Variants in STON2 observed in about 807,000 individuals in gnomAD.
STON2 encodes stonin-2.
A neutral mutation model predicts 65.7 loss-of-function variants in STON2; 29 were observed. The ratio of observed to expected loss-of-function variants is 0.44; its 90% CI spans 0.33 to 0.60. The LOEUF (loss-of-function observed/expected upper bound fraction) is 0.60. STON2 is among the 20% of genes least tolerant of loss of function. The pLI, the probability that STON2 is intolerant of heterozygous loss-of-function variation, is 0.03. For missense variants in STON2, 1,054 were observed against 1,118.1 expected, an observed-to-expected ratio of 0.94 and a Z score of 0.82; for synonymous variants, 404 against 414.2, an observed-to-expected ratio of 0.98 and a Z score of 0.30.
At chr14:81,317,988 C>T (rs375548751) in intron 5 of STON2, among the ~76,000 whole-genome samples, 6 of 150,208 alleles carry the variant, frequency 4.0e-5, no homozygotes, top group East Asian at 3.9e-4. Context: ...GTTTTTTAGG[C>T]GGAGTCTCAC....
intron 4 of STON2, chr14:81,332,827 G>C (rs1897256640): frequency 6.1e-6 from 1 of 164,268 alleles, no homozygotes; most frequent in South Asian, 2.0e-4. Flanking sequence ...TATTTTAAGA[G>C]CTTTTTTTTC....
At chr14:81,379,293 A>C (rs1899401043) in intron 3 of STON2, among the ~76,000 whole-genome samples, 1 of 148,280 alleles carries the variant, frequency 6.7e-6, no homozygotes. Context: ...ATAAGTATGA[A>C]GCATATGTAG....
At chr14:81,275,944 A>G (rs1894798576) in intron 6 of STON2, among the ~76,000 whole-genome samples, 1 of 152,254 alleles carries the variant, frequency 6.6e-6, no homozygotes, top group African/African-American at 2.4e-5. Context: ...ATTTCACTCA[A>G]GAGTTTTTCC....
chr14:81,373,177 C>T (rs886681667), intron 3 of STON2, among the ~76,000 whole-genome samples: 1 of 152,112 alleles, frequency 6.6e-6, no homozygotes, highest in Non-Finnish European at 1.5e-5. Context: ...TACCCCCATT[C>T]CTGGAATAGT....
At chr14:81,424,479 T>G (rs1901870009) in intron 2 of STON2, among the ~76,000 whole-genome samples, 1 of 133,422 alleles carries the variant, frequency 7.5e-6, no homozygotes. Context: ...GTTTTTATTA[T>G]AAACAGAATA....
intron 7 of STON2, chr14:81,269,438 A>G: frequency 1.0e-6 from 1 of 985,462 alleles, no homozygotes; most frequent in Non-Finnish European, 1.2e-6. Flanking sequence ...TTTGAAAGTA[A>G]TACATCTCAA....
intron 2 of STON2, 29 bp from the exon 3 acceptor site, chr14:81,396,207 T>C (rs1398707044): frequency 2.6e-6 from 4 of 1,568,166 alleles, no homozygotes; most frequent in Admixed American, 1.8e-5. Context: ...GCCACCATCA[T>C]GTGAGGAAGG....
At chr14:81,341,311 G>A (rs571653632) in intron 4 of STON2, among the ~76,000 whole-genome samples, 7 of 152,212 alleles carry the variant, frequency 4.6e-5, no homozygotes, top group Admixed American at 6.5e-5. Context: ...TCATCAGGAC[G>A]GTGCTTGTTG....
At chr14:81,368,177 A>G (rs892733095) in intron 4 of STON2, among the ~76,000 whole-genome samples, 3 of 152,126 alleles carry the variant, frequency 2.0e-5, no homozygotes, top group African/African-American at 7.2e-5. Context: ...ATAAATAACT[A>G]TGGTGACTGT....
chr14:81,305,493 C>T (rs1311660218), intron 5 of STON2, among the ~76,000 whole-genome samples: 1 of 152,136 alleles, frequency 6.6e-6, no homozygotes, highest in Non-Finnish European at 1.5e-5. Context: ...GTTTATTGGC[C>T]ATTTGGATAG....
Position 81,262,610 on chromosome 14 carries a change from TG to T in STON2, c.*5803del, listed in dbSNP as rs1253938587. 1.0e-6 allele frequency: 1 copy of T among 985,348 alleles called. No homozygotes were observed. Among genetic ancestry groups the T allele is most frequent in the Non-Finnish European group, 1.2e-6 (1 of 829,922 alleles). The allele number at this position is 985,348 out of a possible 1,614,324, so 61.0% of individuals were successfully genotyped here. On this transcript the variant is annotated 3_prime_UTR_variant, in exon 8 of 8. Transcript: ENST00000614646. Reference sequence around the variant, plus strand: ...CTCTTGTAGCTTTTGTTACATCCAATGATCATTTGCCTCTCTCCAGGCACTA... The same window carrying T: ...CTCTTGTAGCTTTTGTTACATCCAATATCATTTGCCTCTCTCCAGGCACTA...
intron 3 of STON2, among the ~76,000 whole-genome samples, chr14:81,377,119 C>G (rs934312093): frequency 6.6e-6 from 1 of 152,178 alleles, no homozygotes; most frequent in African/African-American, 2.4e-5. Context: ...AAGGATCTTT[C>G]CTGCTGCACT....
Position 81,277,337 on chromosome 14 carries a change from G to GT in STON2, c.2144dup (p.Asn715LysfsTer16), listed in dbSNP as rs753027788. The GT allele has an allele frequency of 1.2e-6, 2 of 1,614,216 alleles. No individual in the cohort carries two copies. The highest frequency in any genetic ancestry group is 1.7e-6 in the Non-Finnish European group (2 of 1,180,032). ...AAGGGTTGAACAGAATGACCCGTGA[G>GT]TTGTGGAAAACATCCTCATCCACAC... On this transcript the variant is annotated frameshift_variant, in exon 6 of 8. Transcript: ENST00000614646. LOFTEE classifies it high-confidence loss of function.
rs1415026009 is a variant in STON2 at position 81,412,961 on chromosome 14, TG to T, written c.-199+14140del. The T allele has an allele frequency of 1.6e-4, 154 of 980,084 alleles. 29 individuals are homozygous for T. The East Asian group carries it at 2.0e-3, about 13-fold the overall frequency. The allele number at this position is 980,084 out of a possible 1,614,324, so 60.7% of individuals were successfully genotyped here. On this transcript the variant is annotated intron_variant, in intron 2 of 8. Transcript: ENST00000553821. ...TGCAGTCAGCCAGCCCCCTTCTCCA[TG>T]GGTAACCATGTGCGACCAAAAGGCC... is the stretch of plus-strand genomic sequence containing the variant.
Position 81,430,394 on chromosome 14 carries a change from C to T in STON2, c.-309-3182G>A, listed in dbSNP as rs79497758. ...CCTTGCACTCAGCAGATGGTCAATA[C>T]CATTCAGATGAACATAACTCCCAAA... On this transcript the variant is annotated intron_variant, in intron 1 of 8. Transcript: ENST00000553821. Among the ~76,000 whole-genome samples the T allele has an allele frequency of 1.4e-3, 213 of 152,326 alleles. 5 individuals carry two copies. In the East Asian group the frequency reaches 0.038, roughly 27 times the overall value.
intron 3 of STON2, among the ~76,000 whole-genome samples, chr14:81,374,812 A>G (rs1241969704): frequency 6.6e-6 from 1 of 152,052 alleles, no homozygotes; most frequent in African/African-American, 2.4e-5. Context: ...TAGAGGGGCA[A>G]TATTTGAAAA....
chr14:81,344,505 C>T (rs2140300393), intron 4 of STON2, among the ~76,000 whole-genome samples: 1 of 152,324 alleles, frequency 6.6e-6, no homozygotes, highest in Middle Eastern at 3.4e-3. Flanking sequence ...ATTTCCATGA[C>T]TGCATAGTAT....
chr14:81,328,667 G>A (rs916295799), intron 4 of STON2, among the ~76,000 whole-genome samples: 1 of 152,126 alleles, frequency 6.6e-6, no homozygotes, highest in Non-Finnish European at 1.5e-5. Flanking sequence ...TTGAAGGGGG[G>A]TGCCTAATGG....
intron 2 of STON2, among the ~76,000 whole-genome samples, chr14:81,409,753 ATT>A (rs894450041): frequency 6.6e-6 from 1 of 152,168 alleles, no homozygotes; most frequent in Non-Finnish European, 1.5e-5. Context: ...ACAACAGCAC[ATT>A]CTGCCTTCTA....
Sources: gnomAD v4.1 joint callset for allele counts (sites outside exome capture counted in the v4.1 genomes callset) on GRCh38, gnomAD v4.1.1 for gene constraint, MANE v1.5 for transcripts, NCBI Gene and HGNC (gene_info 2026-07-23, HGNC 2026-07-21) for gene names.